The following CPLX2 variants were observed in gnomAD, a reference collection of about 807,000 sequenced individuals.
CPLX2 encodes complexin 2.
A neutral mutation model predicts 16.3 loss-of-function variants in CPLX2; 5 were observed. The observed-to-expected ratio is 0.31, with a 90% CI of 0.16 to 0.64. CPLX2 has a LOEUF of 0.64. Among genes scored for constraint, CPLX2 ranks in the 30% least tolerant of loss-of-function variants. The pLI is 0.79. For synonymous variants in CPLX2, 89 were observed against 73.2 expected (o/e 1.22, Z -1.10); for missense variants, 144 against 181.4 (o/e 0.79, Z 1.18).
At chr5:175,836,883 A>T (rs1188442742) in intron 2 of CPLX2, among the ~76,000 whole-genome samples, 1 of 152,222 alleles carries the variant, frequency 6.6e-6, no homozygotes, top group Admixed American at 6.5e-5. Flanking sequence ...CACTTTACAG[A>T]TAAAGAACAT....
At chr5:175,842,566 C>T (rs1286706753) in intron 2 of CPLX2, among the ~76,000 whole-genome samples, 1 of 152,260 alleles carries the variant, frequency 6.6e-6, no homozygotes, top group Non-Finnish European at 1.5e-5. Context: ...TGGTGACCCA[C>T]ATCACCATCT....
intron 2 of CPLX2, chr5:175,837,977 G>C (rs1581085023): frequency 1.3e-5 from 2 of 152,328 alleles, no homozygotes; most frequent in East Asian, 3.9e-4. Flanking sequence ...TACAGCTCGT[G>C]ATGGTAAGGC....
intron 2 of CPLX2, among the ~76,000 whole-genome samples, chr5:175,812,196 A>G (rs1399200895): frequency 6.6e-6 from 1 of 152,240 alleles, no homozygotes; most frequent in Non-Finnish European, 1.5e-5. Flanking sequence ...GGCAAGACCT[A>G]TAGCCTCACC....
At chr5:175,836,648 G>GGTTCA (rs1376481885) in intron 2 of CPLX2, among the ~76,000 whole-genome samples, 6 of 152,188 alleles carry the variant, frequency 3.9e-5, no homozygotes, top group Admixed American at 3.9e-4. Flanking sequence ...CCAGAATTGA[G>GGTTCA]GTTCAGCCAG....
chr5:175,851,101 C>G (rs1759143002), intron 2 of CPLX2, among the ~76,000 whole-genome samples: 1 of 151,880 alleles, frequency 6.6e-6, no homozygotes, highest in Non-Finnish European at 1.5e-5. Flanking sequence ...AAGTGTGGCT[C>G]AGGGCATCTT....
At chr5:175,804,932 C>A (rs1030878888) in intron 1 of CPLX2, among the ~76,000 whole-genome samples, 1 of 152,130 alleles carries the variant, frequency 6.6e-6, no homozygotes, top group South Asian at 2.1e-4. Flanking sequence ...AGCGAGGGAC[C>A]CTGGCCAAGC....
At chr5:175,811,473 G>C (rs1241634500) in intron 2 of CPLX2, among the ~76,000 whole-genome samples, 2 of 152,172 alleles carry the variant, frequency 1.3e-5, no homozygotes, top group Non-Finnish European at 1.5e-5. Context: ...CTCTCAACTA[G>C]AGCCTGGCTC....
chr5:175,871,427 G>GAGAGAGAGAA (rs1561790298), upstream of CPLX2: 32 of 108,208 alleles, frequency 3.0e-4, 1 homozygote, highest in African/African-American at 1.1e-3. Flanking sequence ...GAGAGAGAGA[G>GAGAGAGAGAA]AGAGACAGAG....
rs536583360 is a variant in CPLX2 at position 175,855,852 on chromosome 5, C to G, written c.-88-22800C>G. 3.0e-4 allele frequency among the ~76,000 whole-genome samples: 46 copies of G among 152,234 alleles called. 1 individual carries two copies. In the South Asian group the frequency reaches 9.3e-3, roughly 31 times the overall value. On this transcript the variant is annotated intron_variant, in intron 2 of 4. Transcript: ENST00000359546. ...CCATCCAAACCACATGGCCAGAGAACGGGAAAGAGTGGTTCCCCAAGGTAA... is the reference window on the plus strand; with the variant it reads ...CCATCCAAACCACATGGCCAGAGAAGGGGAAAGAGTGGTTCCCCAAGGTAA...
intron 2 of CPLX2, among the ~76,000 whole-genome samples, chr5:175,822,036 T>TG (rs1249470435): frequency 6.6e-6 from 1 of 152,210 alleles, no homozygotes; most frequent in Non-Finnish European, 1.5e-5. Context: ...GGGCCTCTCC[T>TG]GTGGACAGTT....
chr5:175,869,195 T>C (rs569689916), upstream of CPLX2, among the ~76,000 whole-genome samples: 7 of 152,354 alleles, frequency 4.6e-5, no homozygotes, highest in East Asian at 1.2e-3. Flanking sequence ...TTACCCCTTA[T>C]TGTGCAACAA....
rs1340281372 is a variant in CPLX2, at chr5:175,816,096, A to G, written c.-89+7028A>G. ...CAGCTCTCCAGGCAGCATCCTTCCA[A>G]TCGGTGACTCCGGGATCTAGGCCGG... On this transcript the variant is annotated intron_variant, in intron 2 of 4. Transcript: ENST00000359546. Among the ~76,000 whole-genome samples, 6 of 152,118 alleles carry G rather than the reference A, an allele frequency of 3.9e-5. No individual in the cohort carries two copies. The East Asian group carries it at 1.2e-3, about 29-fold the overall frequency.
intron 2 of CPLX2, among the ~76,000 whole-genome samples, chr5:175,860,329 A>C (rs1759337745): frequency 6.6e-6 from 1 of 151,926 alleles, no homozygotes. Flanking sequence ...ATGCTGAAGC[A>C]GAGGATCTCT....
intron 2 of CPLX2, among the ~76,000 whole-genome samples, chr5:175,865,785 A>G (rs1054122733): frequency 2.6e-5 from 4 of 152,184 alleles, no homozygotes; most frequent in African/African-American, 9.7e-5. Context: ...GGAGCTGGGC[A>G]AAAGATGCAA....
rs140194781 is a variant in CPLX2 at position 175,817,461 on chromosome 5, C to G, written c.-89+8393C>G. Among the ~76,000 whole-genome samples, 1,251 of 152,296 alleles carry G rather than the reference C, an allele frequency of 8.2e-3. 9 individuals are homozygous for G. Among genetic ancestry groups the G allele is most frequent in the South Asian group, 0.024 (116 of 4,824 alleles). ...TGATGTCACTGTTTCTCCTTTTCCC[C>G]CACTGGGGTCAGAGGGACTGAGTCC... On this transcript the variant is annotated intron_variant, in intron 2 of 4. Coordinates refer to the CPLX2 transcript ENST00000359546.
At chr5:175,840,639 T>C (rs1419452942) in intron 2 of CPLX2, among the ~76,000 whole-genome samples, 1 of 152,076 alleles carries the variant, frequency 6.6e-6, no homozygotes, top group Non-Finnish European at 1.5e-5. Flanking sequence ...CAGGGCAAAA[T>C]AGAGAAAGCC....
intron 2 of CPLX2, among the ~76,000 whole-genome samples, chr5:175,860,862 C>T (rs1759360465): frequency 6.6e-6 from 1 of 152,070 alleles, no homozygotes; most frequent in South Asian, 2.1e-4. Context: ...GAACTCCAGG[C>T]AACACTAGAC....
At position 175,809,337 on chromosome 5, in the gene CPLX2, AG is replaced by A. The variant is rs1181359100; in HGVS notation, c.-89+270del. The A allele has an allele frequency of 5.3e-5, 8 of 152,248 alleles. No individual in the cohort carries two copies. The highest frequency in any genetic ancestry group is 8.8e-5 in the Non-Finnish European group (6 of 68,046). The allele number at this position is 152,248 out of a possible 1,614,324, so 9.4% of individuals were successfully genotyped here. On this transcript the variant is annotated intron_variant, in intron 2 of 4. Coordinates refer to the CPLX2 transcript ENST00000359546. The surrounding 1 kb of genome is among the most constrained non-coding windows in gnomAD (Gnocchi z 4.4). ...GGTGGATATTATTATCCCCAGTTAC[AG>A]ATGAGAAAACTGAAGCTCAGAGAGT...
intron 2 of CPLX2, among the ~76,000 whole-genome samples, chr5:175,862,466 A>G (rs2113691209): frequency 6.6e-6 from 1 of 152,356 alleles, no homozygotes; most frequent in Admixed American, 6.5e-5. Context: ...TTCCACCCAG[A>G]GCAAACAGCA....
Sources: gnomAD v4.1 joint callset for allele counts (sites outside exome capture counted in the v4.1 genomes callset) on GRCh38, gnomAD v4.1.1 for gene constraint, Gnocchi (gnomAD v3.1) non-coding constraint, MANE v1.5 for transcripts, NCBI Gene and HGNC (gene_info 2026-07-23, HGNC 2026-07-21) for gene names.